The following CBLB variants were observed in gnomAD, a reference collection of about 807,000 sequenced individuals.
The protein encoded by CBLB is E3 ubiquitin-protein ligase CBL-B.
In CBLB, 31 loss-of-function variants were observed where a neutral mutation model predicts 104.9. The observed-to-expected ratio is 0.30, with a 90% CI of 0.22 to 0.40. CBLB has a LOEUF of 0.40. Among genes scored for constraint, CBLB ranks in the 10% least tolerant of loss-of-function variants. CBLB has a pLI of 1.00. For synonymous variants in CBLB, 440 were observed against 422.6 expected, an observed-to-expected ratio of 1.04 and a Z score of -0.51; for missense variants, 1,062 against 1,214.6, an observed-to-expected ratio of 0.87 and a Z score of 1.87.
chr3:105,813,354 A>C (rs1357476983), intron 3 of CBLB, among the ~76,000 whole-genome samples: 1 of 152,226 alleles, frequency 6.6e-6, no homozygotes, highest in Admixed American at 6.5e-5. Context: ...AATTCATTTT[A>C]CAAACAATAG....
chr3:105,724,203 T>C, intron 9 of CBLB: 1 of 168,696 alleles, frequency 5.9e-6, no homozygotes, highest in Non-Finnish European at 1.3e-5. Context: ...AAAGAACGAA[T>C]GAAAGAATAA....
intron 9 of CBLB, among the ~76,000 whole-genome samples, chr3:105,720,588 T>G (rs765158473): frequency 1.4e-4 from 21 of 152,208 alleles, no homozygotes; most frequent in Non-Finnish European, 2.5e-4. Flanking sequence ...AATTGAATCG[T>G]ATCTCTCCTT....
At chr3:105,821,445 C>A (rs1222675529) in intron 3 of CBLB, among the ~76,000 whole-genome samples, 1 of 152,098 alleles carries the variant, frequency 6.6e-6, no homozygotes, top group Non-Finnish European at 1.5e-5. Flanking sequence ...TAGGTAGGAG[C>A]CCATCACACA....
At chr3:105,833,224 A>T (rs933517666) in intron 3 of CBLB, among the ~76,000 whole-genome samples, 8 of 152,248 alleles carry the variant, frequency 5.3e-5, no homozygotes, top group African/African-American at 1.9e-4. Flanking sequence ...GTTTCCATTC[A>T]TTCTGATCAT....
intron 4 of CBLB, among the ~76,000 whole-genome samples, chr3:105,769,159 C>CA (rs34999602): frequency 7.9e-5 from 12 of 151,472 alleles, no homozygotes; most frequent in East Asian, 2.0e-4. Flanking sequence ...ACTAAACATA[C>CA]AAAAAAAACA....
chr3:105,683,054 G>A (rs1167598781), intron 14 of CBLB, among the ~76,000 whole-genome samples: 1 of 152,102 alleles, frequency 6.6e-6, no homozygotes, highest in East Asian at 1.9e-4. Context: ...AATAGATAAT[G>A]CAAGAATGCT....
At chr3:105,801,271 T>G (rs2082834483) in intron 3 of CBLB, among the ~76,000 whole-genome samples, 1 of 152,172 alleles carries the variant, frequency 6.6e-6, no homozygotes, top group African/African-American at 2.4e-5. Context: ...TTATAAAACC[T>G]AGGTAGAGGA....
intron 12 of CBLB, among the ~76,000 whole-genome samples, chr3:105,698,579 C>T (rs1472204413): frequency 2.2e-5 from 3 of 137,620 alleles, no homozygotes; most frequent in African/African-American, 5.5e-5. Context: ...ACTACTAAAC[C>T]TAAGCGGCAG....
At chr3:105,826,750 G>A (rs769168236) in intron 3 of CBLB, among the ~76,000 whole-genome samples, 2 of 152,186 alleles carry the variant, frequency 1.3e-5, no homozygotes, top group African/African-American at 4.8e-5. Context: ...TGATACACAT[G>A]ATGCAAATGC....
intron 4 of CBLB, among the ~76,000 whole-genome samples, chr3:105,771,358 A>T (rs2078854442): frequency 6.6e-6 from 1 of 152,152 alleles, no homozygotes; most frequent in Non-Finnish European, 1.5e-5. Context: ...TCCCTCAACA[A>T]AATATGTATA....
intron 12 of CBLB, among the ~76,000 whole-genome samples, chr3:105,699,929 T>C (rs1056234065): frequency 6.6e-6 from 1 of 152,130 alleles, no homozygotes; most frequent in African/African-American, 2.4e-5. Context: ...GCAATATAAA[T>C]ACCCACAATA....
At chr3:105,784,120 A>G (rs572415553) in intron 3 of CBLB, among the ~76,000 whole-genome samples, 4 of 152,334 alleles carry the variant, frequency 2.6e-5, no homozygotes, top group South Asian at 4.1e-4. Context: ...GCTTAACAAT[A>G]TATATTTCAA....
intron 3 of CBLB, among the ~76,000 whole-genome samples, chr3:105,820,014 G>A (rs1368742679): frequency 6.6e-6 from 1 of 152,062 alleles, no homozygotes; most frequent in Non-Finnish European, 1.5e-5. Context: ...AATATATAAT[G>A]AAATAATTAT....
At chr3:105,717,757 A>G (rs1453030310) in intron 10 of CBLB, among the ~76,000 whole-genome samples, 3 of 152,196 alleles carry the variant, frequency 2.0e-5, no homozygotes, top group Non-Finnish European at 2.9e-5. Flanking sequence ...CCGCATATGT[A>G]GCTCTCTCAC....
intron 3 of CBLB, among the ~76,000 whole-genome samples, chr3:105,795,646 C>A (rs1379612741): frequency 6.6e-6 from 1 of 152,150 alleles, no homozygotes; most frequent in Non-Finnish European, 1.5e-5. Context: ...TGTGAAATAG[C>A]CGAAGTCCAT....
At chr3:105,848,467 T>C (rs2090558230) in intron 3 of CBLB, among the ~76,000 whole-genome samples, 1 of 152,126 alleles carries the variant, frequency 6.6e-6, no homozygotes, top group Admixed American at 6.6e-5. Context: ...TTATTACATT[T>C]ATGTAAAATT....
rs986858704 is a variant in CBLB, at chr3:105,658,057, C to T, written c.*913G>A. ...GAGATGGTCCTCTCATTCAGCATCC[C>T]TCAAAGTAATGCAGGCATAAGTATC... On this transcript the variant is annotated 3_prime_UTR_variant, in exon 19 of 19. Coordinates refer to ENST00000394030, the MANE Select transcript of CBLB (RefSeq NM_170662.5). 2.3e-5 allele frequency: 5 copies of T among 214,778 alleles called. No homozygotes were observed. The highest frequency in any genetic ancestry group is 9.0e-5 in the African/African-American group (4 of 44,322). 13.3% of individuals were successfully genotyped at this position (214,778 alleles called of 1,614,324 possible).
At chr3:105,740,451 T>C in intron 7 of CBLB, 43 bp downstream of exon 7, 1 of 1,608,722 alleles carries the variant, frequency 6.2e-7, no homozygotes, top group Admixed American at 1.7e-5. Flanking sequence ...ATTTTTCAAA[T>C]TCATGAATCA....
intron 16 of CBLB, 110 bp downstream of exon 16, chr3:105,681,369 G>A: frequency 8.7e-7 from 1 of 1,154,706 alleles, no homozygotes; most frequent in South Asian, 1.4e-5. Flanking sequence ...CAAATTTCAG[G>A]CAAATTCACA....
Sources: allele counts gnomAD v4.1 joint callset (sites outside exome capture counted in the v4.1 genomes callset), GRCh38; gene constraint gnomAD v4.1.1; transcripts MANE v1.5; gene names NCBI Gene and HGNC (gene_info 2026-07-23, HGNC 2026-07-21).